Variants in TPRX1 observed in about 807,000 individuals in gnomAD.
TPRX1 encodes tetrapeptide repeat homeobox 1, also known as tetra-peptide repeat homeobox protein 1.
Under a neutral mutation model 8.1 loss-of-function variants are expected in TPRX1, and 2 were observed. The ratio of observed to expected loss-of-function variants is 0.25; its 90% CI spans 0.10 to 0.78. TPRX1 has a LOEUF of 0.78. TPRX1 is among the 30% of genes least tolerant of loss of function. The pLI is 0.70. For synonymous variants in TPRX1, 257 were observed against 254.1 expected, an observed-to-expected ratio of 1.01 and a Z score of -0.11; for missense variants, 517 against 586.9, an observed-to-expected ratio of 0.88 and a Z score of 1.23.
At position 47,802,346 on chromosome 19, in the gene TPRX1, G is replaced by C. The variant is rs199739873; in HGVS notation, c.956C>G (p.Pro319Arg). ...TGGGCCTGGGATTGGGCCTGGGATC[G>C]GGCCTGGGTTTGGGCCTGAGATTGG... Residue 319 changes from proline to arginine, a missense_variant, in exon 4 of 4, where the codon CCG (proline) becomes CGG (arginine). Physicochemically the swap from Pro to Arg is moderately radical, Grantham distance 103. This residue lies in a region of TPRX1 where 506 missense variants were observed against 515.5 expected (regional missense o/e 0.98). Transcript: ENST00000535759. The C allele has an allele frequency of 6.0e-6, 8 of 1,330,162 alleles. No individual in the cohort carries two copies. In the African/African-American group the frequency reaches 7.4e-5, roughly 12 times the overall value. 82.4% of individuals were successfully genotyped at this position (1,330,162 alleles called of 1,614,324 possible).
chr19:47,805,634 T>A (rs1458986743), intron 2 of TPRX1, among the ~76,000 whole-genome samples: 1 of 152,124 alleles, frequency 6.6e-6, no homozygotes, highest in African/African-American at 2.4e-5. Flanking sequence ...TCGCTCATTG[T>A]TTTCACCTGC....
chr19:47,802,084 G>C (rs1182276947), exon 4 of TPRX1: 1 of 1,595,090 alleles, frequency 6.3e-7, no homozygotes, highest in South Asian at 1.1e-5. Context: ...CTGGGCCTGA[G>C]CCTGGGCCTA....
In TPRX1 at chr19:47,804,559, C is replaced by T. The variant is rs1234618276; in HGVS notation, c.152-886G>A. Reference sequence around the variant, plus strand: ...TTGCATCCTGAGTCCTGATCTGTTCCCAAACACAAGTGTGTACTGACAAGG... The same window carrying T: ...TTGCATCCTGAGTCCTGATCTGTTCTCAAACACAAGTGTGTACTGACAAGG... On this transcript the variant is annotated intron_variant, in intron 2 of 3. Coordinates refer to ENST00000535759, the Ensembl canonical transcript of TPRX1. 3.3e-5 allele frequency among the ~76,000 whole-genome samples: 5 copies of T among 152,204 alleles called. No homozygotes were observed. The highest frequency in any genetic ancestry group is 3.3e-4 in the Admixed American group (5 of 15,274).
exon 1 of TPRX1, chr19:47,818,987 T>A (rs955542162): frequency 8.3e-6 from 2 of 241,704 alleles, no homozygotes; most frequent in African/African-American, 4.5e-5. Context: ...AGCGAGAGCA[T>A]GCGGTGTTTG....
chr19:47,811,117 C>T (rs1003274516), intron 2 of TPRX1, among the ~76,000 whole-genome samples: 8 of 151,564 alleles, frequency 5.3e-5, no homozygotes, highest in Non-Finnish European at 1.2e-4. Flanking sequence ...GATTCTCCTT[C>T]CTCAGCCTCC....
chr19:47,808,173 G>A (rs1340578255), intron 2 of TPRX1, among the ~76,000 whole-genome samples: 1 of 152,006 alleles, frequency 6.6e-6, no homozygotes, highest in Non-Finnish European at 1.5e-5. Context: ...GGAGTGCAAT[G>A]GCGCGATCTC....
intron 2 of TPRX1, among the ~76,000 whole-genome samples, chr19:47,815,129 T>TGCAA (rs1427370335): frequency 2.9e-5 from 3 of 101,748 alleles, no homozygotes; most frequent in African/African-American, 7.2e-5. Flanking sequence ...TATATATATA[T>TGCAA]ATATATATAT....
chr19:47,801,699 G>A lies in TPRX1; in HGVS notation c.*76C>T. 4 of 1,515,902 alleles carry A rather than the reference G, an allele frequency of 2.6e-6. No individual in the cohort carries two copies. In the South Asian group the frequency reaches 5.2e-5, roughly 20 times the overall value. The allele number at this position is 1,515,902 out of a possible 1,614,324, so 93.9% of individuals were successfully genotyped here. On this transcript the variant is annotated 3_prime_UTR_variant, in exon 4 of 4. Coordinates refer to ENST00000535759, the Ensembl canonical transcript of TPRX1. ...GTGGGTAAAGGGTGATGCATTCACTGCAGAAAGTCACCAGCAGTGTAGATC... is the reference window on the plus strand; with the variant it reads ...GTGGGTAAAGGGTGATGCATTCACTACAGAAAGTCACCAGCAGTGTAGATC...
At chr19:47,803,448 G>A in intron 3 of TPRX1, 56 bp downstream of exon 2, 6 of 1,049,002 alleles carry the variant, frequency 5.7e-6, no homozygotes, top group East Asian at 2.6e-5. Flanking sequence ...GAGTGACAGC[G>A]GTGGGGAGGC....
intron 2 of TPRX1, among the ~76,000 whole-genome samples, chr19:47,809,655 T>A (rs1202298727): frequency 6.6e-6 from 1 of 152,182 alleles, no homozygotes. Flanking sequence ...GAATGTCTAT[T>A]TTCTCTATTT....
chr19:47,811,704 G>A (rs1967785093), intron 2 of TPRX1, among the ~76,000 whole-genome samples: 1 of 151,508 alleles, frequency 6.6e-6, no homozygotes, highest in Non-Finnish European at 1.5e-5. Flanking sequence ...TCACCATATT[G>A]GCCAGGCTGG....
intron 2 of TPRX1, among the ~76,000 whole-genome samples, chr19:47,816,137 C>T (rs1220640596): frequency 3.4e-5 from 5 of 149,200 alleles, no homozygotes; most frequent in East Asian, 2.1e-4. Flanking sequence ...TGGTGAGTCT[C>T]GGCTCACTGC....
chr19:47,804,208 C>T lies in TPRX1; in HGVS notation c.152-535G>A, dbSNP rs535760785. Among the ~76,000 whole-genome samples, 75 of 151,082 alleles carry T rather than the reference C, an allele frequency of 5.0e-4. No homozygotes were observed. The South Asian group carries it at 6.8e-3, about 14-fold the overall frequency. ...TAGCTGGGACCACAGGTGTGCACCA[C>T]GACCCCTGGGTAATTTTTGTATTTT... On this transcript the variant is annotated intron_variant, in intron 2 of 3. Coordinates refer to ENST00000535759, the Ensembl canonical transcript of TPRX1.
rs555233817 is a variant in TPRX1 at position 47,804,243 on chromosome 19, C to T, written c.152-570G>A. 1.1e-3 allele frequency among the ~76,000 whole-genome samples: 174 copies of T among 151,420 alleles called. 1 individual carries two copies. The highest frequency in any genetic ancestry group is 2.0e-3 in the Non-Finnish European group (133 of 67,832). ...GTAATTTTTGTATTTTTGCTAAAGA[C>T]GGGTCTCCACTATGTTGGCTCGGCT... On this transcript the variant is annotated intron_variant, in intron 2 of 3. Coordinates refer to ENST00000535759, the Ensembl canonical transcript of TPRX1.
intron 2 of TPRX1, among the ~76,000 whole-genome samples, chr19:47,817,897 C>T (rs1162879496): frequency 6.6e-6 from 1 of 152,244 alleles, no homozygotes; most frequent in Non-Finnish European, 1.5e-5. Context: ...GCCCTGCCAG[C>T]CTCTCTCTGC....
chr19:47,811,761 T>A (rs1479386000), intron 2 of TPRX1, among the ~76,000 whole-genome samples: 1 of 151,680 alleles, frequency 6.6e-6, no homozygotes, highest in African/African-American at 2.4e-5. Flanking sequence ...CCTCCCAAAG[T>A]GCTGGGATTA....
intron 2 of TPRX1, among the ~76,000 whole-genome samples, chr19:47,808,759 A>G (rs1423773376): frequency 6.6e-6 from 1 of 152,026 alleles, no homozygotes; most frequent in African/African-American, 2.4e-5. Context: ...CCTGGCCTCA[A>G]TGTTTTATTG....
At chr19:47,809,788 G>C (rs116623931) in intron 2 of TPRX1, among the ~76,000 whole-genome samples, 2,085 of 152,026 alleles carry the variant, frequency 0.014, 20 homozygotes, top group Non-Finnish European at 0.022. Flanking sequence ...GCCTTTTCTC[G>C]TCCTGATGTG....
At chr19:47,818,677 C>T (rs1288842805) in intron 1 of TPRX1, 2 of 391,044 alleles carry the variant, frequency 5.1e-6, no homozygotes, top group East Asian at 1.4e-4. Context: ...TGAAACTCAT[C>T]AACAACCTGA....
Sources: gnomAD v4.1 joint callset for allele counts (sites outside exome capture counted in the v4.1 genomes callset) on GRCh38, gnomAD v4.1.1 for gene constraint, gnomAD v4.1.1 regional missense constraint, MANE v1.5 for transcripts, NCBI Gene and HGNC (gene_info 2026-07-23, HGNC 2026-07-21) for gene names.